Variants in PUDP observed in about 807,000 individuals in gnomAD.
PUDP encodes pseudouridine 5'-phosphatase, also known as pseudouridine-5'-phosphatase.
PUDP carries 8 observed loss-of-function variants against 9.4 expected under a neutral mutation model. That is an observed-to-expected ratio of 0.85 (90% CI 0.50 to 1.53). The LOEUF is 1.53. Ranked by LOEUF, PUDP falls within the 40% of genes most tolerant of loss-of-function variation. The probability of loss-of-function intolerance (pLI) is 0.00; values close to 1 mark genes in which losing one functional copy is unlikely to be tolerated. For synonymous variants in PUDP, 99 were observed against 80.7 expected (o/e 1.23, Z -1.22); for missense variants, 188 against 189.7 (o/e 0.99, Z 0.05).
At chrX:6,759,138 C>T (rs1205615538) in intron 3 of PUDP, among the ~76,000 whole-genome samples, 1 of 112,272 alleles carries the variant, frequency 8.9e-6, no homozygotes, top group Non-Finnish European at 1.9e-5. Flanking sequence ...TTTAGAAATA[C>T]ATACATCTTG....
At chrX:6,781,064 T>C (rs974095974) in intron 3 of PUDP, among the ~76,000 whole-genome samples, 1 of 109,482 alleles carries the variant, frequency 9.1e-6, no homozygotes, top group Admixed American at 9.8e-5. Context: ...ACAACAAAAA[T>C]GCAAGTAAGA....
chrX:7,008,882 T>G (rs1349605402), intron 1 of PUDP, among the ~76,000 whole-genome samples: 1 of 111,729 alleles, frequency 9.0e-6, no homozygotes, highest in Non-Finnish European at 1.9e-5. Context: ...TGTTGGGAGG[T>G]TTACAATGTA....
At chrX:6,854,441 A>G (rs1251392283) in intron 3 of PUDP, among the ~76,000 whole-genome samples, 2 of 111,957 alleles carry the variant, frequency 1.8e-5, no homozygotes, top group East Asian at 2.8e-4. Flanking sequence ...CACTTTTTCA[A>G]TCCAGTGCTA....
intron 3 of PUDP, among the ~76,000 whole-genome samples, chrX:6,871,780 A>G (rs138260091): frequency 0.015 from 1,634 of 111,679 alleles, 33 homozygotes; most frequent in African/African-American, 0.05. Flanking sequence ...ACCTGTGGGA[A>G]GTTTGCATTT....
chrX:7,038,658 C>A (rs1025717747), intron 1 of PUDP, among the ~76,000 whole-genome samples: 14 of 110,945 alleles, frequency 1.3e-4, no homozygotes, highest in African/African-American at 4.3e-4. Context: ...ATAAATAGAC[C>A]AATATTATTC....
chrX:7,059,085 C>T (rs768811141), intron 3 of PUDP, among the ~76,000 whole-genome samples: 13 of 111,501 alleles, frequency 1.2e-4, no homozygotes, highest in African/African-American at 4.2e-4. Context: ...TGAACTACAC[C>T]CCTAAATTGA....
chrX:7,120,977 G>C (rs1397908467), intron 1 of PUDP, among the ~76,000 whole-genome samples: 2 of 111,896 alleles, frequency 1.8e-5, no homozygotes. Context: ...CATGGGGTCA[G>C]AGAGAGGCAG....
intron 3 of PUDP, among the ~76,000 whole-genome samples, chrX:6,793,459 T>C (rs1925785404): frequency 8.9e-6 from 1 of 111,971 alleles, no homozygotes; most frequent in Admixed American, 9.5e-5. Context: ...GGGAATTAAG[T>C]TCCAACATTA....
chrX:6,723,876 G>C (rs78808163), upstream of PUDP, among the ~76,000 whole-genome samples: 276 of 111,258 alleles, frequency 2.5e-3, 4 homozygotes, highest in East Asian at 0.062. Flanking sequence ...CAGTAAATAC[G>C]GCAAAAATGT....
In PUDP at chrX:6,810,612, C is replaced by T. The variant is rs372980207; in HGVS notation, c.*248-104146G>A. 3.6e-5 allele frequency among the ~76,000 whole-genome samples: 4 copies of T among 111,774 alleles called. No individual in the cohort carries two copies. The East Asian group carries it at 8.4e-4, about 24-fold the overall frequency. ...AATGGCCCTATGAATTCCCAAAATGCTCCATAGAGGGCAACACCATCTACA... is the reference window on the plus strand; with the variant it reads ...AATGGCCCTATGAATTCCCAAAATGTTCCATAGAGGGCAACACCATCTACA... On this transcript the variant is annotated intron_variant and NMD_transcript_variant, in intron 3 of 3. Transcript: ENST00000655425.
intron 1 of PUDP, among the ~76,000 whole-genome samples, chrX:7,043,731 G>A (rs925957035): frequency 1.8e-5 from 2 of 111,162 alleles, no homozygotes; most frequent in Non-Finnish European, 3.8e-5. Flanking sequence ...TGGCTGTTGA[G>A]GGTGGTGGTG....
At chrX:6,914,254 A>C (rs773804916) in intron 3 of PUDP, among the ~76,000 whole-genome samples, 1 of 110,933 alleles carries the variant, frequency 9.0e-6, no homozygotes, top group East Asian at 2.8e-4. Flanking sequence ...AGAACATAGA[A>C]AAGAAAGGGC....
chrX:7,147,962 C>G, intron 1 of PUDP, 91 bp downstream of exon 1: 1 of 693,705 alleles, frequency 1.4e-6, no homozygotes, highest in Non-Finnish European at 2.2e-6. Context: ...CGCCCCGCCG[C>G]GGCCCCCAGG....
chrX:6,789,213 C>A (rs971799174), intron 3 of PUDP, among the ~76,000 whole-genome samples: 1 of 110,587 alleles, frequency 9.0e-6, no homozygotes, highest in Non-Finnish European at 1.9e-5. Context: ...TCGCTTGAAC[C>A]CAGGAGGTAG....
At chrX:7,009,273 T>A (rs1256473966) in intron 1 of PUDP, among the ~76,000 whole-genome samples, 1 of 112,260 alleles carries the variant, frequency 8.9e-6, no homozygotes, top group Admixed American at 9.4e-5. Context: ...AGTGTTATGA[T>A]CATAAGTAAT....
intron 1 of PUDP, among the ~76,000 whole-genome samples, chrX:7,136,630 A>AG (rs1283169238): frequency 1.8e-5 from 2 of 111,471 alleles, no homozygotes; most frequent in African/African-American, 6.5e-5. Context: ...ATATATAGAC[A>AG]GAGTATTATA....
intron 1 of PUDP, among the ~76,000 whole-genome samples, chrX:6,991,988 T>C (rs1385190959): frequency 1.8e-5 from 2 of 111,427 alleles, no homozygotes; most frequent in Non-Finnish European, 3.8e-5. Context: ...AAAAATTATA[T>C]AATTAATTAC....
chrX:6,767,052 G>T (rs1012056120), intron 3 of PUDP, among the ~76,000 whole-genome samples: 1 of 113,001 alleles, frequency 8.8e-6, no homozygotes, highest in Non-Finnish European at 1.9e-5. Context: ...ATGGCAAGTT[G>T]ATAAGAATTT....
intron 3 of PUDP, among the ~76,000 whole-genome samples, chrX:6,754,965 T>A (rs938229867): frequency 6.3e-5 from 7 of 111,697 alleles, no homozygotes; most frequent in African/African-American, 2.3e-4. Flanking sequence ...ATCATGTTTT[T>A]TGCATGTTTG....
Sources: allele counts gnomAD v4.1 joint callset (sites outside exome capture counted in the v4.1 genomes callset), GRCh38; gene constraint gnomAD v4.1.1; transcripts MANE v1.5; gene names NCBI Gene and HGNC (gene_info 2026-07-23, HGNC 2026-07-21).